The following OR2T6 variants were observed in gnomAD, a reference collection of about 807,000 sequenced individuals.
OR2T6 encodes the protein olfactory receptor 2T6.
For missense variants in OR2T6, 424 were observed against 391.6 expected, an observed-to-expected ratio of 1.08 and a Z score of -0.70; for synonymous variants, 174 against 148.0, an observed-to-expected ratio of 1.18 and a Z score of -1.27.
In OR2T6 at chr1:248,391,764, C is replaced by T. The variant is rs187017449; in HGVS notation, c.*3229C>T. 36 of 152,136 alleles carry T rather than the reference C, an allele frequency of 2.4e-4. No individual in the cohort carries two copies. The highest frequency in any genetic ancestry group is 7.7e-4 in the African/African-American group (32 of 41,500). The allele number at this position is 152,136 out of a possible 1,614,324, so 9.4% of individuals were successfully genotyped here. A position where few individuals can be genotyped will look rare whatever the true frequency, so the allele number is the denominator to read the frequency against. On this transcript the variant is annotated 3_prime_UTR_variant, in exon 3 of 3. Transcript: ENST00000641644. ...CTATCCATTCAATTTTTTGGTAAAC[C>T]TCATTGTTCTAAAATATAAAATTTC...
chr1:248,378,901 G>A (rs57163500), intron 1 of OR2T6, among the ~76,000 whole-genome samples: 13,521 of 151,916 alleles, frequency 0.089, 1,852 homozygotes, highest in African/African-American at 0.3. Flanking sequence ...GTCTGGGTGC[G>A]GTAGCTCATG....
intron 1 of OR2T6, among the ~76,000 whole-genome samples, chr1:248,379,648 T>A (rs1660999784): frequency 6.6e-6 from 1 of 152,192 alleles, no homozygotes; most frequent in Admixed American, 6.5e-5. Context: ...ACTTGGTTTA[T>A]AATTATGAGA....
rs372971099 is a variant in OR2T6 at position 248,388,016 on chromosome 1, C to T, written c.408C>T (p.Ile136=). The T allele has an allele frequency of 1.0e-4, 167 of 1,613,310 alleles. No homozygotes were observed. Among genetic ancestry groups the T allele is most frequent in the Non-Finnish European group, 1.3e-4 (158 of 1,179,654 alleles). ...ICNPLRYPVL[I]SWRVCWMILA... is the part of the protein sequence containing the mutation. ...ACCCACTGCGCTATCCTGTCCTCAT[C>T]AGCTGGCGGGTCTGCTGGATGATCC... Residue 136 remains isoleucine, a synonymous_variant, in exon 3 of 3, where the codon ATC becomes ATT. Transcript: ENST00000641644.
rs1243364149 is a variant in OR2T6, at chr1:248,388,873, T to A, written c.*338T>A. Reference sequence around the variant, plus strand: ...GAGTTAATATTACATATTCTGCCCATTTTCAATGGCTCCATAAGAACTGGT... The same window carrying A: ...GAGTTAATATTACATATTCTGCCCAATTTCAATGGCTCCATAAGAACTGGT... On this transcript the variant is annotated 3_prime_UTR_variant, in exon 3 of 3. Coordinates refer to ENST00000641644, the MANE Select transcript of OR2T6 (RefSeq NM_001005471.2). 2 of 281,140 alleles carry A rather than the reference T, an allele frequency of 7.1e-6. No individual in the cohort carries two copies. The highest frequency in any genetic ancestry group is 1.3e-5 in the Non-Finnish European group (2 of 150,972). 17.4% of individuals were successfully genotyped at this position (281,140 alleles called of 1,614,324 possible). A position where few individuals can be genotyped will look rare whatever the true frequency, so the allele number is the denominator to read the frequency against.
intron 1 of OR2T6, among the ~76,000 whole-genome samples, chr1:248,380,718 G>A (rs1661015112): frequency 6.6e-6 from 1 of 150,592 alleles, no homozygotes; most frequent in African/African-American, 2.4e-5. Context: ...ATACGTTAAA[G>A]TATTTCAAAT....
intron 2 of OR2T6, among the ~76,000 whole-genome samples, chr1:248,386,915 C>A (rs1661144413): frequency 6.6e-6 from 1 of 152,164 alleles, no homozygotes; most frequent in Admixed American, 6.5e-5. Flanking sequence ...GTGCTTATTT[C>A]ATAACTAGAA....
At position 248,388,497 on chromosome 1, in the gene OR2T6, G is replaced by A. The variant is rs1451007219; in HGVS notation, c.889G>A (p.Val297Met). Reference protein sequence around the residue: ...PLIYSLRNRDVMGALKRVVAR... With the variant: ...PLIYSLRNRDMMGALKRVVAR... The stretch of plus-strand genomic sequence containing the variant: ...CATCTACAGTCTGAGGAACAGGGAT[G>A]TGATGGGTGCCTTGAAGAGAGTTGT... Residue 297 changes from valine to methionine, a missense_variant, in exon 3 of 3, where the codon GTG (valine) becomes ATG (methionine). By Grantham distance (21) the Val-to-Met change is conservative. Transcript: ENST00000641644. 7 of 1,590,878 alleles carry A rather than the reference G, an allele frequency of 4.4e-6. No homozygotes were observed. Among genetic ancestry groups the A allele is most frequent in the East Asian group, 2.2e-5 (1 of 44,776 alleles).
intron 1 of OR2T6, among the ~76,000 whole-genome samples, chr1:248,380,144 TG>T (rs1661006721): frequency 6.6e-6 from 1 of 152,018 alleles, no homozygotes; most frequent in African/African-American, 2.4e-5. Context: ...TGACTATATT[TG>T]TGTGTATGCA....
At position 248,387,900 on chromosome 1, in the gene OR2T6, A is replaced by G. The variant is rs1447262924; in HGVS notation, c.292A>G (p.Thr98Ala). The G allele has an allele frequency of 1.9e-6, 3 of 1,601,046 alleles. No individual in the cohort carries two copies. In the South Asian group the frequency reaches 3.4e-5, roughly 18 times the overall value. ...GGGGACCATCTCTTTCATCGCCTGC[A>G]CTGCTCAGTGCTTTCTCTACATGGG... ...GEGTISFIAC[T>A]AQCFLYMGFM... The change falls in exon 3 of 3, where the codon ACT (threonine) becomes GCT (alanine). Residue 98 changes from threonine to alanine, a missense_variant. Physicochemically the swap from Thr to Ala is moderately conservative, Grantham distance 58. Transcript: ENST00000641644.
chr1:248,381,942 GT>G (rs1319632203), intron 1 of OR2T6, among the ~76,000 whole-genome samples: 11 of 152,056 alleles, frequency 7.2e-5, no homozygotes, highest in African/African-American at 2.7e-4. Flanking sequence ...TCGATAATAA[GT>G]TTTACTGAAC....
At chr1:248,379,901 C>T (rs1387281726) in intron 1 of OR2T6, among the ~76,000 whole-genome samples, 1 of 151,908 alleles carries the variant, frequency 6.6e-6, no homozygotes, top group East Asian at 1.9e-4. Flanking sequence ...TTCTAGGGTA[C>T]ATGTGCACAA....
In OR2T6 at chr1:248,390,535, G is replaced by C. The variant is rs1661231284; in HGVS notation, c.*2000G>C. On this transcript the variant is annotated 3_prime_UTR_variant, in exon 3 of 3. Coordinates refer to ENST00000641644, the MANE Select transcript of OR2T6 (RefSeq NM_001005471.2). ...AATAGAACAGCTCAACTTGGCATTG[G>C]GCTGAGCACTTAATCAAGAAAATAG... is the stretch of plus-strand genomic sequence containing the variant. 1 of 152,156 alleles carries C rather than the reference G, an allele frequency of 6.6e-6. No homozygotes were observed. Among genetic ancestry groups the C allele is most frequent in the Non-Finnish European group, 1.5e-5 (1 of 68,016 alleles). 9.4% of individuals were successfully genotyped at this position (152,156 alleles called of 1,614,324 possible). A position where few individuals can be genotyped will look rare whatever the true frequency, so the allele number is the denominator to read the frequency against.
At position 248,388,157 on chromosome 1, in the gene OR2T6, C is replaced by T; in HGVS notation, c.549C>T (p.Thr183=). Residue 183 remains threonine (T), a synonymous_variant, in exon 3 of 3, where the codon ACC becomes ACT. Transcript: ENST00000641644. ...ATCACTTTTTCTGTGAGGCACCCAC[C>T]ATGCTGAGGCTGGCCTGTGGGGACA... ...QINHFFCEAP[T]MLRLACGDKT... 1 of 1,613,866 alleles carries T rather than the reference C, an allele frequency of 6.2e-7. No individual in the cohort carries two copies. The highest frequency in any genetic ancestry group is 2.2e-5 in the East Asian group (1 of 44,788).
chr1:248,385,897 A>T (rs1216644591), intron 2 of OR2T6, among the ~76,000 whole-genome samples: 7 of 152,260 alleles, frequency 4.6e-5, no homozygotes, highest in Non-Finnish European at 4.4e-5. Flanking sequence ...CATATGTTAC[A>T]TGACGTTTGA....
intron 1 of OR2T6, among the ~76,000 whole-genome samples, chr1:248,379,858 C>CTT (rs141169889): frequency 1.3e-5 from 2 of 151,384 alleles, no homozygotes; most frequent in Admixed American, 6.6e-5. Flanking sequence ...TTGGTATTTT[C>CTT]TTTTTTTTGA....
At chr1:248,378,577 T>C (rs575178456) in intron 1 of OR2T6, among the ~76,000 whole-genome samples, 1 of 152,268 alleles carries the variant, frequency 6.6e-6, no homozygotes, top group African/African-American at 2.4e-5. Flanking sequence ...GAGACAGCAG[T>C]GTTTATTTCC....
rs898141127 is a variant in OR2T6, at chr1:248,391,791, T to C, written c.*3256T>C. The C allele has an allele frequency of 6.6e-6, 1 of 152,168 alleles. No individual in the cohort carries two copies. The highest frequency in any genetic ancestry group is 2.4e-5 in the African/African-American group (1 of 41,436). 9.4% of individuals were successfully genotyped at this position (152,168 alleles called of 1,614,324 possible). On this transcript the variant is annotated 3_prime_UTR_variant, in exon 3 of 3. Transcript: ENST00000641644. ...CATTGTTCTAAAATATAAAATTTCA[T>C]TTTAAAACAGTTTTCTAACAATTAT...
Position 248,387,670 on chromosome 1 carries a change from AT to A in OR2T6, c.63del (p.Asn21LysfsTer19). On this transcript the variant is annotated frameshift_variant, in exon 3 of 3. Transcript: ENST00000641644. LOFTEE classifies it low-confidence loss of function (END_TRUNC). ...GFTLMGLFTH[N>X]KCSGFFFGVI... is the part of the protein sequence containing the mutation. Reference sequence around the variant, plus strand: ...ACCCTCATGGGGCTCTTCACTCACAATAAATGCTCAGGATTCTTTTTCGGTG... The same window carrying A: ...ACCCTCATGGGGCTCTTCACTCACAAAAATGCTCAGGATTCTTTTTCGGTG... 6.2e-7 allele frequency: 1 copy of A among 1,613,562 alleles called. No individual in the cohort carries two copies. Among genetic ancestry groups the A allele is most frequent in the Non-Finnish European group, 8.5e-7 (1 of 1,179,614 alleles).
intron 2 of OR2T6, among the ~76,000 whole-genome samples, chr1:248,387,096 A>G (rs1381451623): frequency 1.3e-5 from 2 of 152,256 alleles, no homozygotes; most frequent in Admixed American, 6.5e-5. Context: ...TAATGTAATC[A>G]TGTTTATTAC....
Sources: gnomAD v4.1 joint callset for allele counts (sites outside exome capture counted in the v4.1 genomes callset) on GRCh38, gnomAD v4.1.1 for gene constraint, MANE v1.5 for transcripts, NCBI Gene and HGNC (gene_info 2026-07-23, HGNC 2026-07-21) for gene names.